The following ULK4 variants were observed in gnomAD, a reference collection of about 807,000 sequenced individuals.
ULK4 encodes the protein unc-51 like kinase 4, also known as inactive serine/threonine-protein kinase ULK4.
In ULK4, 133 loss-of-function variants were observed where a neutral mutation model predicts 160.6. That is an observed-to-expected ratio of 0.83 (90% CI 0.72 to 0.96). The LOEUF is 0.96. ULK4 is among the 40% of genes least tolerant of loss of function. ULK4 has a pLI of 0.00. For missense variants in ULK4, 1,580 were observed against 1,499.5 expected (o/e 1.05, Z -0.89); for synonymous variants, 534 against 539.8 (o/e 0.99, Z 0.15).
At chr3:41,884,604 G>T (rs538898962) in intron 16 of ULK4, among the ~76,000 whole-genome samples, 2 of 152,306 alleles carry the variant, frequency 1.3e-5, no homozygotes, top group South Asian at 4.1e-4. Context: ...GTGAGTTGAT[G>T]AAAACTGCAC....
At chr3:41,568,005 C>T (rs1028619765) in intron 31 of ULK4, among the ~76,000 whole-genome samples, 2 of 152,128 alleles carry the variant, frequency 1.3e-5, no homozygotes, top group African/African-American at 4.8e-5. Context: ...ACAGACTATT[C>T]AAGTGGCACC....
chr3:41,506,769 T>TATATATATATAAATATAA (rs1559658064), intron 32 of ULK4, among the ~76,000 whole-genome samples: 1 of 31,616 alleles, frequency 3.2e-5, no homozygotes, highest in Non-Finnish European at 5.3e-5. Context: ...TGATTTAAAA[T>TATATATATATAAATATAA]ATATATATAT....
In ULK4 at chr3:41,495,589, G is replaced by T. The variant is rs7374081; in HGVS notation, c.3227-32336C>A. Among the ~76,000 whole-genome samples, 787 of 149,230 alleles carry T rather than the reference G, an allele frequency of 5.3e-3. 8 individuals are homozygous for T. The highest frequency in any genetic ancestry group is 0.019 in the African/African-American group (757 of 40,736). On this transcript the variant is annotated intron_variant, in intron 32 of 36. Coordinates refer to ENST00000301831, the MANE Select transcript of ULK4 (RefSeq NM_017886.4). Reference sequence around the variant, plus strand: ...CAAAATTGACAAATGGGATCTAATTGAACTAAAGAGCTTCTGCACAGCAAA... The same window carrying T: ...CAAAATTGACAAATGGGATCTAATTTAACTAAAGAGCTTCTGCACAGCAAA...
At chr3:41,621,416 T>C (rs1055904657) in intron 30 of ULK4, among the ~76,000 whole-genome samples, 7 of 151,908 alleles carry the variant, frequency 4.6e-5, no homozygotes, top group Non-Finnish European at 7.4e-5. Flanking sequence ...CCAAAACAGA[T>C]ATATAAACCA....
At chr3:41,599,565 CT>C (rs200055034) in intron 31 of ULK4, among the ~76,000 whole-genome samples, 109 of 130,740 alleles carry the variant, frequency 8.3e-4, no homozygotes, top group South Asian at 2.7e-3. Context: ...TTTTCTTTTT[CT>C]TTTTTTTTTT....
chr3:41,247,934 T>C (rs911401830), intron 36 of ULK4, among the ~76,000 whole-genome samples: 4 of 152,180 alleles, frequency 2.6e-5, no homozygotes, highest in East Asian at 1.9e-4. Flanking sequence ...AACGAGAACT[T>C]TGCAGGAGCA....
At chr3:41,553,951 C>T (rs150126062) in intron 32 of ULK4, among the ~76,000 whole-genome samples, 1 of 152,004 alleles carries the variant, frequency 6.6e-6, no homozygotes, top group African/African-American at 2.4e-5. Context: ...TATTGGTAAC[C>T]GTTAGCCATC....
At chr3:41,717,648 A>T (rs1045562177) in intron 23 of ULK4, 80 bp downstream of exon 23, 96 of 1,527,010 alleles carry the variant, frequency 6.3e-5, no homozygotes, top group Non-Finnish European at 8.5e-5. Context: ...AAGTAAGAAT[A>T]AAAAAGAACT....
intron 31 of ULK4, among the ~76,000 whole-genome samples, chr3:41,588,298 C>A (rs924498510): frequency 2.0e-5 from 3 of 152,108 alleles, no homozygotes; most frequent in Non-Finnish European, 4.4e-5. Context: ...CTTTTTGGAA[C>A]CTAAAAATAT....
At chr3:41,960,291 T>C (rs1009884100) in intron 1 of ULK4, among the ~76,000 whole-genome samples, 3 of 151,982 alleles carry the variant, frequency 2.0e-5, no homozygotes, top group African/African-American at 4.8e-5. Context: ...TTAGATAGGG[T>C]GGTTTGTTAC....
At chr3:41,320,246 T>A (rs1017604107) in intron 35 of ULK4, among the ~76,000 whole-genome samples, 2 of 152,164 alleles carry the variant, frequency 1.3e-5, no homozygotes, top group Non-Finnish European at 2.9e-5. Flanking sequence ...CACCTCTTCC[T>A]GGGCACTCAA....
chr3:41,479,797 T>C (rs2084258039), intron 32 of ULK4, among the ~76,000 whole-genome samples: 1 of 152,206 alleles, frequency 6.6e-6, no homozygotes. Flanking sequence ...ATTTCTCCCA[T>C]TGGTTTCTTA....
intron 35 of ULK4, among the ~76,000 whole-genome samples, chr3:41,364,854 T>C (rs924980040): frequency 5.9e-5 from 9 of 152,196 alleles, no homozygotes; most frequent in South Asian, 2.1e-4. Context: ...ATAATCACCC[T>C]TCTGGATTGT....
chr3:41,798,424 CAT>C (rs1448947182), intron 20 of ULK4, among the ~76,000 whole-genome samples: 2 of 152,094 alleles, frequency 1.3e-5, no homozygotes, highest in African/African-American at 4.8e-5. Context: ...ATTTTGAAAA[CAT>C]GTGGCTCCTG....
At chr3:41,669,019 T>A (rs1428408044) in intron 29 of ULK4, among the ~76,000 whole-genome samples, 1 of 151,868 alleles carries the variant, frequency 6.6e-6, no homozygotes. Flanking sequence ...TGCAAATCAA[T>A]AAACAAACCA....
chr3:41,366,689 T>C (rs1377537507), intron 35 of ULK4, among the ~76,000 whole-genome samples: 1 of 152,206 alleles, frequency 6.6e-6, no homozygotes, highest in African/African-American at 2.4e-5. Flanking sequence ...TATTATACCA[T>C]TGTAGATATA....
chr3:41,425,750 G>C (rs2082763430), intron 34 of ULK4, among the ~76,000 whole-genome samples: 1 of 152,096 alleles, frequency 6.6e-6, no homozygotes, highest in Non-Finnish European at 1.5e-5. Flanking sequence ...ATCACCACCA[G>C]GCCTGCTTTG....
At chr3:41,490,247 G>A (rs1174203669) in intron 32 of ULK4, among the ~76,000 whole-genome samples, 1 of 152,116 alleles carries the variant, frequency 6.6e-6, no homozygotes, top group Non-Finnish European at 1.5e-5. Context: ...TTGACATAAT[G>A]TTCCTCCACT....
intron 21 of ULK4, among the ~76,000 whole-genome samples, chr3:41,763,572 G>A (rs1186364646): frequency 6.6e-6 from 1 of 152,188 alleles, no homozygotes; most frequent in Non-Finnish European, 1.5e-5. Flanking sequence ...ATTCCATTGT[G>A]TGACTATAGA....
Sources: allele counts gnomAD v4.1 joint callset (sites outside exome capture counted in the v4.1 genomes callset), GRCh38; gene constraint gnomAD v4.1.1; transcripts MANE v1.5; gene names NCBI Gene and HGNC (gene_info 2026-07-23, HGNC 2026-07-21).